The following PTPRN2 variants were observed in gnomAD, a reference collection of about 807,000 sequenced individuals.
PTPRN2 encodes receptor-type tyrosine-protein phosphatase N2.
Under a neutral mutation model 118.8 loss-of-function variants are expected in PTPRN2, and 74 were observed. That is an observed-to-expected ratio of 0.62 (90% CI 0.52 to 0.76). The LOEUF is 0.76. PTPRN2 is among the 30% of genes least tolerant of loss of function. PTPRN2 has a pLI of 0.00. For synonymous variants in PTPRN2, 641 were observed against 608.0 expected, an observed-to-expected ratio of 1.05 and a Z score of -0.80; for missense variants, 1,481 against 1,394.4, an observed-to-expected ratio of 1.06 and a Z score of -0.99.
chr7:158,016,156 T>A (rs2128872472), intron 11 of PTPRN2, among the ~76,000 whole-genome samples: 1 of 152,320 alleles, frequency 6.6e-6, no homozygotes, highest in Admixed American at 6.5e-5. Flanking sequence ...ATGCTTCCGA[T>A]TTCAGGAGCC....
At chr7:158,049,342 A>C (rs1275339392) in intron 11 of PTPRN2, among the ~76,000 whole-genome samples, 1 of 152,030 alleles carries the variant, frequency 6.6e-6, no homozygotes, top group Non-Finnish European at 1.5e-5. Flanking sequence ...CTTCCTCTAC[A>C]TGTTCAGCCC....
At position 157,990,936 on chromosome 7, in the gene PTPRN2, G is replaced by A. The variant is rs191185695; in HGVS notation, c.1723+90362C>T. Among the ~76,000 whole-genome samples, 52 of 152,326 alleles carry A rather than the reference G, an allele frequency of 3.4e-4. No homozygotes were observed. The highest frequency in any genetic ancestry group is 3.0e-3 in the Admixed American group (46 of 15,306). ...CTGGTGTCAACCCTGCCAGCAAGATGTGCCCCAGATCCCCAGAGTCCAGCG... is the reference window on the plus strand; with the variant it reads ...CTGGTGTCAACCCTGCCAGCAAGATATGCCCCAGATCCCCAGAGTCCAGCG... On this transcript the variant is annotated intron_variant, in intron 11 of 22. Transcript: ENST00000389418. The surrounding 1 kb of genome is among the most constrained non-coding windows in gnomAD (Gnocchi z 4.3).
At chr7:158,527,112 C>CAT (rs923575551) in intron 1 of PTPRN2, among the ~76,000 whole-genome samples, 2 of 152,134 alleles carry the variant, frequency 1.3e-5, no homozygotes, top group African/African-American at 4.8e-5. Context: ...CCTGGGAGAG[C>CAT]ATCCCTCCGA....
intron 4 of PTPRN2, among the ~76,000 whole-genome samples, chr7:158,197,555 C>T (rs1826304505): frequency 6.6e-6 from 1 of 152,080 alleles, no homozygotes; most frequent in Non-Finnish European, 1.5e-5. Context: ...ATTTCTAGTG[C>T]CTTTTTGTAT....
chr7:158,203,225 C>CAAAAAAAAAA (rs56016358), intron 4 of PTPRN2, among the ~76,000 whole-genome samples: 8 of 50,334 alleles, frequency 1.6e-4, no homozygotes, highest in South Asian at 9.0e-4. Context: ...AAGCAAGAGC[C>CAAAAAAAAAA]AAAAAAAAAA....
chr7:158,585,905 G>A (rs1009149375), intron 1 of PTPRN2, among the ~76,000 whole-genome samples: 6 of 152,232 alleles, frequency 3.9e-5, no homozygotes, highest in Admixed American at 3.3e-4. Flanking sequence ...GCCAGCTGGA[G>A]GAAGGAATAC....
intron 8 of PTPRN2, 101 bp downstream of exon 8, chr7:158,136,554 G>A (rs534480244): frequency 2.0e-5 from 23 of 1,167,274 alleles, no homozygotes; most frequent in African/African-American, 9.3e-5. Context: ...AATTTTCTGG[G>A]AAAAAAACTT....
chr7:158,435,507 A>G (rs1816514201), intron 2 of PTPRN2, among the ~76,000 whole-genome samples: 1 of 152,228 alleles, frequency 6.6e-6, no homozygotes. Context: ...TATGGAAAAC[A>G]GTATACAGGT....
intron 2 of PTPRN2, among the ~76,000 whole-genome samples, chr7:158,415,627 C>T (rs1325242839): frequency 6.6e-6 from 1 of 152,172 alleles, no homozygotes; most frequent in East Asian, 1.9e-4. Context: ...CCACGGGCCC[C>T]GCCTCAGAGT....
At chr7:158,414,605 C>A (rs759363392) in intron 2 of PTPRN2, among the ~76,000 whole-genome samples, 9 of 152,364 alleles carry the variant, frequency 5.9e-5, no homozygotes, top group South Asian at 2.1e-4. Context: ...AGCTCACATG[C>A]GGGCTGGAGG....
chr7:157,902,206 G>A (rs1338999981), intron 11 of PTPRN2, among the ~76,000 whole-genome samples: 3 of 152,358 alleles, frequency 2.0e-5, no homozygotes, highest in South Asian at 2.1e-4. Context: ...CCAGGAACGC[G>A]CTGCAGCAGA....
chr7:158,006,232 A>G (rs1173588444), intron 11 of PTPRN2, among the ~76,000 whole-genome samples: 1 of 152,218 alleles, frequency 6.6e-6, no homozygotes, highest in Non-Finnish European at 1.5e-5. Context: ...TACTGAGTTC[A>G]CATCCCTTTT....
At chr7:157,906,005 C>T (rs1157294909) in intron 11 of PTPRN2, among the ~76,000 whole-genome samples, 3 of 152,228 alleles carry the variant, frequency 2.0e-5, no homozygotes, top group Non-Finnish European at 4.4e-5. Flanking sequence ...ACTTTCCACC[C>T]AGGGCCCCCG....
At chr7:157,566,939 G>A (rs1585041298) in intron 21 of PTPRN2, among the ~76,000 whole-genome samples, 1 of 152,206 alleles carries the variant, frequency 6.6e-6, no homozygotes, top group African/African-American at 2.4e-5. Flanking sequence ...GGAATCACAG[G>A]TGCCCCCAGC....
In PTPRN2 at chr7:158,166,950, G is replaced by T; in HGVS notation, c.891C>A (p.Asp297Glu). 1 of 1,445,252 alleles carries T rather than the reference G, an allele frequency of 6.9e-7. No homozygotes were observed. Among genetic ancestry groups the T allele is most frequent in the Non-Finnish European group, 9.1e-7 (1 of 1,094,526 alleles). The allele number at this position is 1,445,252 out of a possible 1,614,324, so 89.5% of individuals were successfully genotyped here. A position where few individuals can be genotyped will look rare whatever the true frequency, so the allele number is the denominator to read the frequency against. The change falls in exon 6 of 23, where the codon GAC (aspartate) becomes GAA (glutamate). Residue 297 changes from aspartate to glutamate, a missense_variant. Coordinates refer to ENST00000389418, the MANE Select transcript of PTPRN2 (RefSeq NM_002847.5). ...KWPSPLGDSE[D>E]PSSTGDGARI... The stretch of plus-strand genomic sequence containing the variant: ...GCTCACCATCGCCTGTGCTGGAGGG[G>T]TCTTCGGAATCTCCCAGAGGTGAAG...
At chr7:158,076,839 G>T (rs1021287753) in intron 11 of PTPRN2, among the ~76,000 whole-genome samples, 1 of 152,144 alleles carries the variant, frequency 6.6e-6, no homozygotes, top group Non-Finnish European at 1.5e-5. Context: ...CACCGGGGTT[G>T]GGGGGAGCTT....
At chr7:157,821,210 C>G (rs1460493355) in intron 12 of PTPRN2, among the ~76,000 whole-genome samples, 2 of 152,254 alleles carry the variant, frequency 1.3e-5, no homozygotes, top group African/African-American at 4.8e-5. Context: ...GTGCTGTCCT[C>G]TCTCCTGAGA....
chr7:157,671,677 G>A lies in PTPRN2; in HGVS notation c.2001+11048C>T, dbSNP rs925314670. On this transcript the variant is annotated intron_variant, in intron 13 of 22. Transcript: ENST00000389418. The surrounding 1 kb of genome is among the most constrained non-coding windows in gnomAD (Gnocchi z 4.1). ...GGGCAGGGGCATGCGGGCTGGGGGC[G>A]GAGCGGCTACTGGAGCAGCTGCTTC... Among the ~76,000 whole-genome samples, 9 of 152,126 alleles carry A rather than the reference G, an allele frequency of 5.9e-5. No homozygotes were observed. Among genetic ancestry groups the A allele is most frequent in the African/African-American group, 1.4e-4 (6 of 41,420 alleles).
At chr7:158,143,237 T>C (rs1263591655) in intron 6 of PTPRN2, among the ~76,000 whole-genome samples, 1 of 152,054 alleles carries the variant, frequency 6.6e-6, no homozygotes, top group Non-Finnish European at 1.5e-5. Context: ...TCTGGAAAAG[T>C]AGGCGGCCAC....
Sources: allele counts gnomAD v4.1 joint callset (sites outside exome capture counted in the v4.1 genomes callset), GRCh38; gene constraint gnomAD v4.1.1; non-coding constraint Gnocchi (gnomAD v3.1); transcripts MANE v1.5; gene names NCBI Gene and HGNC (gene_info 2026-07-23, HGNC 2026-07-21).